Variants in PPARA observed in about 807,000 individuals in gnomAD.
The protein encoded by PPARA is peroxisome proliferator activated receptor alpha, also known as peroxisome proliferator-activated receptor alpha.
In PPARA, 22 loss-of-function variants were observed where a neutral mutation model predicts 42.2. That is an observed-to-expected ratio of 0.52 (90% CI 0.37 to 0.74). The LOEUF (loss-of-function observed/expected upper bound fraction) is 0.74. Ranked by LOEUF, PPARA falls within the 30% of genes least tolerant of loss-of-function variation. The pLI, the probability that PPARA is intolerant of heterozygous loss-of-function variation, is 0.00. For synonymous variants in PPARA, 242 were observed against 239.3 expected, an observed-to-expected ratio of 1.01 and a Z score of -0.10; for missense variants, 465 against 608.2, an observed-to-expected ratio of 0.76 and a Z score of 2.48.
At position 46,182,422 on chromosome 22, in the gene PPARA, G is replaced by A. The variant is rs75154408; in HGVS notation, c.-43+5586G>A. On this transcript the variant is annotated intron_variant, in intron 3 of 8. Transcript: ENST00000407236. The surrounding 1 kb of genome is among the most constrained non-coding windows in gnomAD (Gnocchi z 5.2). ...ACCCATAACAACATGGATGAATGCT[G>A]AAATAATTGTGCTGAGTAAAAGAAG... Among the ~76,000 whole-genome samples the A allele has an allele frequency of 0.015, 2,241 of 152,302 alleles. 47 individuals are homozygous for A. The highest frequency in any genetic ancestry group is 0.051 in the African/African-American group (2,123 of 41,554).
At position 46,215,130 on chromosome 22, in the gene PPARA, G is replaced by C. The variant is rs373613960; in HGVS notation, c.209-43G>C. 6 of 1,604,044 alleles carry C rather than the reference G, an allele frequency of 3.7e-6. No homozygotes were observed. In the South Asian group the frequency reaches 6.6e-5, roughly 18 times the overall value. On this transcript the variant is annotated intron_variant, in intron 4 of 8. Transcript: ENST00000407236. ...ATAGACCCGGTTCAGACACAGGATA[G>C]TGATGCCTGGACTATTCATCCGTCT...
intron 3 of PPARA, among the ~76,000 whole-genome samples, chr22:46,181,197 T>A (rs115036635): frequency 9.8e-4 from 149 of 152,302 alleles, no homozygotes; most frequent in African/African-American, 3.0e-3. Context: ...AGTGGCTTCC[T>A]GCCTTGACTA....
rs527437682 is a variant in PPARA at position 46,193,220 on chromosome 22, C to A, written c.-42-5122C>A. ...TAGCTGGGATTATGGGCACGCGCCA[C>A]CACACCTGGCTAATGTTTGTATTTT... On this transcript the variant is annotated intron_variant, in intron 3 of 8. Transcript: ENST00000407236. The surrounding 1 kb of genome is among the most constrained non-coding windows in gnomAD (Gnocchi z 5.3). Among the ~76,000 whole-genome samples the A allele has an allele frequency of 2.0e-5, 3 of 152,138 alleles. No individual in the cohort carries two copies. The highest frequency in any genetic ancestry group is 2.0e-4 in the Admixed American group (3 of 15,266).
chr22:46,222,276 G>A lies in PPARA; in HGVS notation c.711+2262G>A, dbSNP rs1193749787. On this transcript the variant is annotated intron_variant, in intron 7 of 8. Coordinates refer to ENST00000407236, the MANE Select transcript of PPARA (RefSeq NM_005036.6). The surrounding 1 kb of genome is among the most constrained non-coding windows in gnomAD (Gnocchi z 5.9). Reference sequence around the variant, plus strand: ...TCTCCATTACAAAACAAATCTCAGAGCTACCTTCAAAGAAGAGCCAGCCCT... The same window carrying A: ...TCTCCATTACAAAACAAATCTCAGAACTACCTTCAAAGAAGAGCCAGCCCT... Among the ~76,000 whole-genome samples, 1 of 151,680 alleles carries A rather than the reference G, an allele frequency of 6.6e-6. No homozygotes were observed. Among genetic ancestry groups the A allele is most frequent in the Non-Finnish European group, 1.5e-5 (1 of 68,002 alleles).
At chr22:46,202,169 C>A (rs1052934383) in intron 4 of PPARA, among the ~76,000 whole-genome samples, 73 of 152,274 alleles carry the variant, frequency 4.8e-4, no homozygotes, top group African/African-American at 1.6e-3. Flanking sequence ...CCTCCTCTGG[C>A]AGCTTAAACA....
In PPARA at chr22:46,219,252, T is replaced by A. The variant is rs1934796609; in HGVS notation, c.509-560T>A. 6.6e-6 allele frequency among the ~76,000 whole-genome samples: 1 copy of A among 152,200 alleles called. No homozygotes were observed. ...GTTAGAAACTTCAGTGGTAAGACTT[T>A]GATACAGAATCGAAAAACCAAGTGG... On this transcript the variant is annotated intron_variant, in intron 6 of 8. Transcript: ENST00000407236. The surrounding 1 kb of genome is among the most constrained non-coding windows in gnomAD (Gnocchi z 4.8).
At position 46,156,928 on chromosome 22, in the gene PPARA, AC is replaced by A. The variant is rs1447158634; in HGVS notation, c.-127+4960del. On this transcript the variant is annotated intron_variant, in intron 2 of 8. Coordinates refer to ENST00000407236, the MANE Select transcript of PPARA (RefSeq NM_005036.6). This position sits in a 1 kb window ranked among gnomAD's most constrained non-coding sequence, Gnocchi z 5.2. Reference sequence around the variant, plus strand: ...CCTGTGTGTTTTGAAGGTGATTGTGACCTCAGGTTTTGGCAGGGCTATACCT... The same window carrying A: ...CCTGTGTGTTTTGAAGGTGATTGTGACTCAGGTTTTGGCAGGGCTATACCT... 1.3e-5 allele frequency among the ~76,000 whole-genome samples: 2 copies of A among 152,010 alleles called. No individual in the cohort carries two copies. The highest frequency in any genetic ancestry group is 4.8e-5 in the African/African-American group (2 of 41,380).
At chr22:46,169,033 G>A (rs1927563418) in intron 2 of PPARA, among the ~76,000 whole-genome samples, 1 of 151,848 alleles carries the variant, frequency 6.6e-6, no homozygotes, top group Non-Finnish European at 1.5e-5. Flanking sequence ...TCATGGGGAG[G>A]GAAAGAGGAA....
At position 46,218,259 on chromosome 22, in the gene PPARA, A is replaced by C; in HGVS notation, c.370-4A>C. ...TTTAAATCCACTGTGTATTACCCTC[A>C]CAGGGCTTCTTTCGGCGAACGATTC... On this transcript the variant is annotated splice_polypyrimidine_tract_variant and splice_region_variant and intron_variant, in intron 5 of 8. Coordinates refer to ENST00000407236, the MANE Select transcript of PPARA (RefSeq NM_005036.6). 6.2e-7 allele frequency: 1 copy of C among 1,614,100 alleles called. No individual in the cohort carries two copies.
Position 46,224,238 on chromosome 22 carries a change from C to T in PPARA, c.711+4224C>T, listed in dbSNP as rs1012302701. ...GGAGGCACGGCCCCCTCCTCCCTGC[C>T]TAGCCTGCTGACGGGCTTTCCAGAG... On this transcript the variant is annotated intron_variant, in intron 7 of 8. Coordinates refer to ENST00000407236, the MANE Select transcript of PPARA (RefSeq NM_005036.6). The surrounding 1 kb of genome is among the most constrained non-coding windows in gnomAD (Gnocchi z 5.7). 5.9e-5 allele frequency among the ~76,000 whole-genome samples: 9 copies of T among 151,914 alleles called. No homozygotes were observed. Among genetic ancestry groups the T allele is most frequent in the Non-Finnish European group, 1.0e-4 (7 of 67,972 alleles).
At chr22:46,169,796 C>T (rs1371705288) in intron 2 of PPARA, among the ~76,000 whole-genome samples, 5 of 151,932 alleles carry the variant, frequency 3.3e-5, no homozygotes, top group African/African-American at 9.7e-5. Context: ...ATACTATGTT[C>T]ATGGAAGGGA....
In PPARA at chr22:46,222,524, G is replaced by A. The variant is rs867733612; in HGVS notation, c.711+2510G>A. Among the ~76,000 whole-genome samples, 4 of 152,080 alleles carry A rather than the reference G, an allele frequency of 2.6e-5. No homozygotes were observed. Among genetic ancestry groups the A allele is most frequent in the East Asian group, 1.9e-4 (1 of 5,200 alleles). Reference sequence around the variant, plus strand: ...AGTGAATTCTCCAATTAAATAGGCCGAGACATTTTAGAAGTTTCCAGCAGA... The same window carrying A: ...AGTGAATTCTCCAATTAAATAGGCCAAGACATTTTAGAAGTTTCCAGCAGA... On this transcript the variant is annotated intron_variant, in intron 7 of 8. Transcript: ENST00000407236. The surrounding 1 kb of genome is among the most constrained non-coding windows in gnomAD (Gnocchi z 5.9).
At chr22:46,229,187 G>T (rs182601816) in intron 7 of PPARA, among the ~76,000 whole-genome samples, 1 of 152,084 alleles carries the variant, frequency 6.6e-6, no homozygotes, top group Admixed American at 6.6e-5. Flanking sequence ...ATAAAGTGAC[G>T]GTGGCCTAAG....
intron 4 of PPARA, among the ~76,000 whole-genome samples, chr22:46,213,448 G>A (rs551636649): frequency 1.7e-4 from 24 of 139,348 alleles, no homozygotes; most frequent in African/African-American, 5.2e-4. Flanking sequence ...TTGCTCTGTC[G>A]CCAGGCTGGA....
Position 46,193,248 on chromosome 22 carries a change from G to T in PPARA, c.-42-5094G>T, listed in dbSNP as rs140773712. ...CACCTGGCTAATGTTTGTATTTTTA[G>T]TAGGGACCGGGTTTCACCAGGTTGA... On this transcript the variant is annotated intron_variant, in intron 3 of 8. Transcript: ENST00000407236. This position sits in a 1 kb window ranked among gnomAD's most constrained non-coding sequence, Gnocchi z 5.3. Among the ~76,000 whole-genome samples the T allele has an allele frequency of 7.9e-5, 12 of 152,082 alleles. No individual in the cohort carries two copies. Among genetic ancestry groups the T allele is most frequent in the Non-Finnish European group, 1.5e-4 (10 of 68,028 alleles).
intron 2 of PPARA, among the ~76,000 whole-genome samples, chr22:46,168,454 A>T (rs1268464069): frequency 2.6e-5 from 4 of 151,768 alleles, no homozygotes; most frequent in African/African-American, 9.7e-5. Context: ...ACTCATCAGA[A>T]AACACTTAAT....
At chr22:46,226,040 C>T (rs890276292) in intron 7 of PPARA, among the ~76,000 whole-genome samples, 3 of 151,888 alleles carry the variant, frequency 2.0e-5, no homozygotes, top group African/African-American at 7.3e-5. Context: ...TACACACACA[C>T]ACTTACAAAC....
At chr22:46,202,207 T>A (rs550676991) in intron 4 of PPARA, among the ~76,000 whole-genome samples, 8 of 152,186 alleles carry the variant, frequency 5.3e-5, no homozygotes, top group Non-Finnish European at 8.8e-5. Context: ...TGCTCTCTCC[T>A]GACCCCTGGT....
At chr22:46,177,012 C>T (rs4253787) in intron 3 of PPARA, among the ~76,000 whole-genome samples, 176 bp downstream of exon 3, 2,810 of 152,290 alleles carry the variant, frequency 0.018, 51 homozygotes, top group Non-Finnish European at 0.029. Context: ...AGATTGAGAC[C>T]ATCCTGGCTA....
Sources: gnomAD v4.1 joint callset for allele counts (sites outside exome capture counted in the v4.1 genomes callset) on GRCh38, gnomAD v4.1.1 for gene constraint, Gnocchi (gnomAD v3.1) non-coding constraint, MANE v1.5 for transcripts, NCBI Gene and HGNC (gene_info 2026-07-23, HGNC 2026-07-21) for gene names.